Variants in KLF8 observed in about 807,000 individuals in gnomAD.
KLF8 encodes the protein Krueppel-like factor 8.
A neutral mutation model predicts 18.2 loss-of-function variants in KLF8; 10 were observed. That is an observed-to-expected ratio of 0.55 (90% CI 0.34 to 0.93). The LOEUF is 0.93. Ranked by LOEUF, KLF8 falls within the 40% of genes least tolerant of loss-of-function variation. The pLI, the probability that KLF8 is intolerant of heterozygous loss-of-function variation, is 0.02. For missense variants in KLF8, 264 were observed against 277.9 expected (o/e 0.95, Z 0.36); for synonymous variants, 109 against 97.3 (o/e 1.12, Z -0.71).
chrX:56,251,532 G>C (rs2066712126), intron 2 of KLF8, among the ~76,000 whole-genome samples: 2 of 110,503 alleles, frequency 1.8e-5, no homozygotes, highest in South Asian at 7.7e-4. Flanking sequence ...GCACAATCTT[G>C]GCTCACTGCA....
At chrX:55,990,312 T>C in the KLF8 span, among the ~76,000 whole-genome samples, 1 of 112,242 alleles carries the variant, frequency 8.9e-6, no homozygotes, top group Non-Finnish European at 1.9e-5. Flanking sequence ...ATTTTAGATC[T>C]TTCCTGCTTT....
intron 2 of KLF8, among the ~76,000 whole-genome samples, chrX:56,259,690 C>T (rs1241726594): frequency 9.0e-6 from 1 of 110,980 alleles, no homozygotes; most frequent in Non-Finnish European, 1.9e-5. Flanking sequence ...TCTCTTGTCT[C>T]CCCAGTAATA....
the KLF8 span, among the ~76,000 whole-genome samples, chrX:56,138,204 G>T: frequency 9.0e-6 from 1 of 110,749 alleles, no homozygotes. Context: ...GTACAAACCA[G>T]AAAATGCCTT....
chrX:56,178,160 G>T, the KLF8 span, among the ~76,000 whole-genome samples: 2 of 112,186 alleles, frequency 1.8e-5, no homozygotes, highest in East Asian at 5.7e-4. Flanking sequence ...ACCTCAGTTG[G>T]AAATGCAGAA....
chrX:56,187,783 T>A, the KLF8 span, among the ~76,000 whole-genome samples: 1 of 110,599 alleles, frequency 9.0e-6, no homozygotes, highest in Non-Finnish European at 1.9e-5. Context: ...CACATGATTA[T>A]CTCAATAGAT....
chrX:55,939,367 A>G, the KLF8 span, among the ~76,000 whole-genome samples: 3 of 111,668 alleles, frequency 2.7e-5, no homozygotes, highest in African/African-American at 3.3e-5. Context: ...TCTGGGACAC[A>G]TTCAAAGCAG....
the KLF8 span, among the ~76,000 whole-genome samples, chrX:56,199,053 C>A: frequency 8.9e-6 from 1 of 111,957 alleles, no homozygotes; most frequent in Non-Finnish European, 1.9e-5. Flanking sequence ...AAAGCTGAAA[C>A]TAGATCCCTT....
upstream of KLF8, among the ~76,000 whole-genome samples, chrX:56,230,332 G>A (rs2066391137): frequency 8.9e-6 from 1 of 112,300 alleles, no homozygotes; most frequent in South Asian, 3.7e-4. Context: ...AAACAGTGCT[G>A]TAGTGGTAAG....
the KLF8 span, among the ~76,000 whole-genome samples, chrX:56,148,481 T>G: frequency 9.0e-6 from 1 of 111,677 alleles, no homozygotes; most frequent in African/African-American, 3.3e-5. Context: ...CTATACTCTA[T>G]GCTCCCTATG....
the KLF8 span, among the ~76,000 whole-genome samples, chrX:56,137,917 T>G: frequency 1.9e-5 from 2 of 107,821 alleles, no homozygotes; most frequent in Non-Finnish European, 3.8e-5. Context: ...AAACTAAAAT[T>G]TAGCTCTTTG....
the KLF8 span, among the ~76,000 whole-genome samples, chrX:56,048,621 G>A: frequency 1.8e-5 from 2 of 111,530 alleles, no homozygotes; most frequent in Non-Finnish European, 3.8e-5. Context: ...TGTTCCATTG[G>A]TCTATATCTC....
the KLF8 span, among the ~76,000 whole-genome samples, chrX:56,126,413 C>T: frequency 2.7e-5 from 3 of 112,126 alleles, no homozygotes; most frequent in Non-Finnish European, 3.8e-5. Context: ...CTAATCACTC[C>T]TCGTCTATCC....
intron 5 of KLF8, among the ~76,000 whole-genome samples, chrX:56,280,151 G>A (rs1028660559): frequency 6.2e-5 from 7 of 112,181 alleles, no homozygotes; most frequent in Admixed American, 2.8e-4. Flanking sequence ...TAAACATACT[G>A]TGTTCATACT....
intron 1 of KLF8, chrX:56,243,402 C>T (rs2066574910): frequency 1.2e-5 from 3 of 256,585 alleles, no homozygotes; most frequent in African/African-American, 5.8e-5. Flanking sequence ...CTTCCCTTTC[C>T]GCGCCATCTT....
the KLF8 span, among the ~76,000 whole-genome samples, chrX:56,165,300 G>T: frequency 8.9e-6 from 1 of 112,045 alleles, no homozygotes; most frequent in African/African-American, 3.2e-5. Flanking sequence ...CCAACCAGGG[G>T]TGGAGGCAGT....
the KLF8 span, among the ~76,000 whole-genome samples, chrX:55,985,506 C>G: frequency 8.9e-6 from 1 of 111,757 alleles, no homozygotes; most frequent in Non-Finnish European, 1.9e-5. Flanking sequence ...TGTACCAGTA[C>G]CATGCTGTTT....
chrX:55,949,333 CTGTGTG>C, the KLF8 span, among the ~76,000 whole-genome samples: 1,369 of 88,127 alleles, frequency 0.016, 12 homozygotes, highest in South Asian at 0.068. Flanking sequence ...TTTTCATATG[CTGTGTG>C]TGTGTGTGTG....
In KLF8 at chrX:56,284,698, C is replaced by T. The variant is rs2067249381; in HGVS notation, c.*204C>T. 2 of 297,208 alleles carry T rather than the reference C, an allele frequency of 6.7e-6. No homozygotes were observed. The highest frequency in any genetic ancestry group is 2.2e-4 in the South Asian group (1 of 4,626). The allele number at this position is 297,208 out of a possible 1,213,427, so 24.5% of individuals were successfully genotyped here. A position where few individuals can be genotyped will look rare whatever the true frequency, so the allele number is the denominator to read the frequency against. On this transcript the variant is annotated 3_prime_UTR_variant, in exon 6 of 6. Transcript: ENST00000468660. ...ACCTTCACTTCTCCACTGTCCAGAC[C>T]CGTTTTTTTCAACCTCCACATGGGT...
At chrX:56,238,515 C>T (rs911326118) in intron 1 of KLF8, among the ~76,000 whole-genome samples, 1 of 111,806 alleles carries the variant, frequency 8.9e-6, no homozygotes, top group Non-Finnish European at 1.9e-5. Context: ...TTTCTTTTGA[C>T]TAATCAGAAG....
Sources: allele counts gnomAD v4.1 joint callset (sites outside exome capture counted in the v4.1 genomes callset), GRCh38; gene constraint gnomAD v4.1.1; transcripts MANE v1.5; gene names NCBI Gene and HGNC (gene_info 2026-07-23, HGNC 2026-07-21).